PPP3CA: variants seen among roughly 807,000 people sequenced by gnomAD.
The protein encoded by PPP3CA is CAM-PRP catalytic subunit.
Under a neutral mutation model 66.5 loss-of-function variants are expected in PPP3CA, and 14 were observed. The observed-to-expected ratio is 0.21, with a 90% CI of 0.14 to 0.33. The LOEUF (loss-of-function observed/expected upper bound fraction) is 0.33. PPP3CA is among the 10% of genes least tolerant of loss of function. The pLI, the probability that PPP3CA is intolerant of heterozygous loss-of-function variation, is 1.00. For missense variants in PPP3CA, 317 were observed against 639.5 expected (o/e 0.50, Z 5.44); for synonymous variants, 232 against 226.2 (o/e 1.03, Z -0.23).
At chr4:101,120,750 A>C (rs1170615265) in intron 2 of PPP3CA, among the ~76,000 whole-genome samples, 2 of 152,076 alleles carry the variant, frequency 1.3e-5, no homozygotes, top group South Asian at 2.1e-4. Flanking sequence ...AAGACACTAT[A>C]TAAAAGTTTT....
chr4:101,264,620 A>G (rs1727113998), intron 1 of PPP3CA, among the ~76,000 whole-genome samples: 3 of 152,242 alleles, frequency 2.0e-5, no homozygotes, highest in Admixed American at 1.3e-4. Context: ...TTTGTTGTGC[A>G]GATCTTTGTC....
chr4:101,269,170 T>A (rs972575642), intron 1 of PPP3CA, among the ~76,000 whole-genome samples: 4 of 152,150 alleles, frequency 2.6e-5, no homozygotes, highest in Non-Finnish European at 5.9e-5. Context: ...CAGGCTATAA[T>A]AAATCTTGCC....
intron 1 of PPP3CA, among the ~76,000 whole-genome samples, chr4:101,328,668 C>A (rs921412420): frequency 2.0e-5 from 3 of 152,180 alleles, no homozygotes; most frequent in African/African-American, 7.2e-5. Context: ...CTGTCACAAG[C>A]AAGTCTAGCG....
At chr4:101,326,189 T>C (rs1305899968) in intron 1 of PPP3CA, among the ~76,000 whole-genome samples, 1 of 152,194 alleles carries the variant, frequency 6.6e-6, no homozygotes. Flanking sequence ...ATAAGTAATC[T>C]ATGGGATAGG....
chr4:101,045,025 C>T (rs1727697193), intron 10 of PPP3CA, among the ~76,000 whole-genome samples: 1 of 152,212 alleles, frequency 6.6e-6, no homozygotes, highest in African/African-American at 2.4e-5. Context: ...GATGTTGGCT[C>T]TGACTTCCAG....
intron 10 of PPP3CA, among the ~76,000 whole-genome samples, chr4:101,046,203 C>T (rs1203236193): frequency 6.6e-6 from 1 of 150,472 alleles, no homozygotes; most frequent in Non-Finnish European, 1.5e-5. Flanking sequence ...AAGTCTAATC[C>T]AACAGATTCT....
intron 1 of PPP3CA, among the ~76,000 whole-genome samples, chr4:101,238,527 A>C (rs1439914646): frequency 1.3e-5 from 2 of 152,040 alleles, no homozygotes; most frequent in African/African-American, 4.8e-5. Flanking sequence ...TTTAGCTTAA[A>C]GATCAAAAAG....
At chr4:101,324,693 C>A (rs865996950) in intron 1 of PPP3CA, among the ~76,000 whole-genome samples, 2,480 of 140,134 alleles carry the variant, frequency 0.018, 35 homozygotes, top group Non-Finnish European at 0.026. Context: ...AATGGAACAA[C>A]AAAAAAAAAA....
intron 1 of PPP3CA, among the ~76,000 whole-genome samples, chr4:101,341,553 G>A (rs887674522): frequency 6.6e-6 from 1 of 152,170 alleles, no homozygotes; most frequent in African/African-American, 2.4e-5. Context: ...TGTGTTAGCA[G>A]TGACTGAATC....
intron 8 of PPP3CA, among the ~76,000 whole-genome samples, chr4:101,070,507 A>G (rs1252998060): frequency 6.6e-6 from 1 of 152,142 alleles, no homozygotes; most frequent in East Asian, 1.9e-4. Flanking sequence ...TTGGGCAAAT[A>G]TTTCTCCTTA....
chr4:101,191,118 T>C (rs888211405), intron 2 of PPP3CA, among the ~76,000 whole-genome samples: 2 of 152,200 alleles, frequency 1.3e-5, no homozygotes, highest in Non-Finnish European at 2.9e-5. Flanking sequence ...TGGTCCCAGA[T>C]CCAGAGCATC....
At chr4:101,196,212 C>A in intron 1 of PPP3CA, 96 bp from the exon 2 acceptor site, 1 of 1,111,790 alleles carries the variant, frequency 9.0e-7, no homozygotes, top group Non-Finnish European at 1.3e-6. Context: ...CACAAACCAA[C>A]TAATATAATA....
chr4:101,305,022 A>C (rs1215465302), intron 1 of PPP3CA, among the ~76,000 whole-genome samples: 1 of 152,348 alleles, frequency 6.6e-6, no homozygotes, highest in African/African-American at 2.4e-5. Context: ...ACTTGTGAAA[A>C]GCACAATAAA....
chr4:101,303,575 G>C (rs758155763), intron 1 of PPP3CA, among the ~76,000 whole-genome samples: 3 of 151,990 alleles, frequency 2.0e-5, no homozygotes, highest in Non-Finnish European at 4.4e-5. Context: ...ATCCAAAAAT[G>C]TTTCACTGAT....
chr4:101,204,317 T>A (rs1186185708), intron 1 of PPP3CA, among the ~76,000 whole-genome samples: 1 of 152,184 alleles, frequency 6.6e-6, no homozygotes, highest in Non-Finnish European at 1.5e-5. Context: ...CTGATTTTTT[T>A]AATGTTGTTC....
At chr4:101,038,161 G>T (rs897044400) in intron 11 of PPP3CA, among the ~76,000 whole-genome samples, 16 of 152,224 alleles carry the variant, frequency 1.1e-4, no homozygotes, top group African/African-American at 3.6e-4. Context: ...AGTGCTCTTA[G>T]GATTGTGTGG....
At chr4:101,047,292 G>A (rs1415102286) in intron 10 of PPP3CA, among the ~76,000 whole-genome samples, 2 of 152,098 alleles carry the variant, frequency 1.3e-5, no homozygotes, top group African/African-American at 4.8e-5. Flanking sequence ...TACTCTGATG[G>A]AATGGCTTCA....
rs116584814 is a variant in PPP3CA, at chr4:101,070,286, A to G, written c.956-6929T>C. ...ATAGAAAATGGGAGAAGAGGGAAAAAGAGAGGAAAGAAACACAAAGCATAT... is the reference window on the plus strand; with the variant it reads ...ATAGAAAATGGGAGAAGAGGGAAAAGGAGAGGAAAGAAACACAAAGCATAT... On this transcript the variant is annotated intron_variant, in intron 8 of 13. Transcript: ENST00000394854. 7.2e-3 allele frequency among the ~76,000 whole-genome samples: 1,100 copies of G among 152,292 alleles called. 14 individuals are homozygous for G. Among genetic ancestry groups the G allele is most frequent in the African/African-American group, 0.025 (1,051 of 41,540 alleles).
rs187751359 is a variant in PPP3CA at position 101,153,822 on chromosome 4, A to G, written c.259+42094T>C. Among the ~76,000 whole-genome samples the G allele has an allele frequency of 3.7e-4, 57 of 152,296 alleles. No individual in the cohort carries two copies. In the East Asian group the frequency reaches 7.5e-3, roughly 20 times the overall value. ...ATCTCAGAACCACATTAAGAGAACCACTGTGTGCTCAGGCATACTTCCTGC... is the reference window on the plus strand; with the variant it reads ...ATCTCAGAACCACATTAAGAGAACCGCTGTGTGCTCAGGCATACTTCCTGC... On this transcript the variant is annotated intron_variant, in intron 2 of 13. Coordinates refer to ENST00000394854, the MANE Select transcript of PPP3CA (RefSeq NM_000944.5).
Sources: allele counts gnomAD v4.1 joint callset (sites outside exome capture counted in the v4.1 genomes callset), GRCh38; gene constraint gnomAD v4.1.1; transcripts MANE v1.5; gene names NCBI Gene and HGNC (gene_info 2026-07-23, HGNC 2026-07-21).